The following CCNJL variants were observed in gnomAD, a reference collection of about 807,000 sequenced individuals.
CCNJL encodes the protein cyclin J like, also known as cyclin-J-like protein.
In CCNJL, 33 loss-of-function variants were observed where a neutral mutation model predicts 33.4. The ratio of observed to expected loss-of-function variants is 0.99; its 90% CI spans 0.75 to 1.32. The LOEUF (loss-of-function observed/expected upper bound fraction) is 1.32. Among genes scored for constraint, CCNJL ranks in the 40% most tolerant of loss-of-function variants. The probability of loss-of-function intolerance (pLI) is 0.00; values close to 1 mark genes in which losing one functional copy is unlikely to be tolerated. For synonymous variants in CCNJL, 227 were observed against 220.9 expected (o/e 1.03, Z -0.24); for missense variants, 512 against 499.7 (o/e 1.02, Z -0.23).
intron 3 of CCNJL, among the ~76,000 whole-genome samples, chr5:160,277,469 G>C (rs2113336990): frequency 6.6e-6 from 1 of 152,304 alleles, no homozygotes; most frequent in East Asian, 1.9e-4. Context: ...AAAGATTAAA[G>C]AAGAGGGAGG....
Position 160,249,137 on chromosome 5 carries a change from G to A in CCNJL, c.*4241C>T, listed in dbSNP as rs1474426070. On this transcript the variant is annotated 3_prime_UTR_variant, in exon 6 of 6. Coordinates refer to ENST00000257536, the MANE Select transcript of CCNJL (RefSeq NM_001308173.3). ...ATTTTTTGCCTAGTGTATTTCATGA[G>A]GAGGTCAGCTCATTTGCTCCCATTT... 2.0e-5 allele frequency: 3 copies of A among 152,192 alleles called. No individual in the cohort carries two copies. The highest frequency in any genetic ancestry group is 4.4e-5 in the Non-Finnish European group (3 of 68,026). The allele number at this position is 152,192 out of a possible 1,614,324, so 9.4% of individuals were successfully genotyped here.
intron 3 of CCNJL, among the ~76,000 whole-genome samples, chr5:160,267,038 G>A (rs1371813080): frequency 2.6e-5 from 4 of 152,212 alleles, no homozygotes; most frequent in African/African-American, 9.7e-5. Flanking sequence ...CAGTTGGGTT[G>A]CAAGAGGCAG....
In CCNJL at chr5:160,280,745, G is replaced by A. The variant is rs1276211979; in HGVS notation, c.67-7C>T. On this transcript the variant is annotated splice_region_variant and splice_polypyrimidine_tract_variant and intron_variant, in intron 2 of 5. Coordinates refer to ENST00000257536, the MANE Select transcript of CCNJL (RefSeq NM_001308173.3). ...AGGTGGGCAGCTTCAGTTCCTGGAGGACAGGCGGGGCGGAGGGGTGACGGT... is the reference window on the plus strand; with the variant it reads ...AGGTGGGCAGCTTCAGTTCCTGGAGAACAGGCGGGGCGGAGGGGTGACGGT... 2 of 1,581,902 alleles carry A rather than the reference G, an allele frequency of 1.3e-6. No individual in the cohort carries two copies. The highest frequency in any genetic ancestry group is 1.8e-5 in the Admixed American group (1 of 54,554).
chr5:160,295,265 C>T (rs1012439079), intron 2 of CCNJL, among the ~76,000 whole-genome samples: 16 of 152,164 alleles, frequency 1.1e-4, no homozygotes, highest in African/African-American at 3.6e-4. Context: ...CCAAGGAGGG[C>T]GGTTCACGAG....
chr5:160,282,696 T>A (rs1226048020), intron 2 of CCNJL, among the ~76,000 whole-genome samples: 1 of 151,596 alleles, frequency 6.6e-6, no homozygotes, highest in Non-Finnish European at 1.5e-5. Context: ...AACAAACACA[T>A]GAAAAGGTGC....
At chr5:160,277,758 T>TC (rs1762066776) in intron 3 of CCNJL, among the ~76,000 whole-genome samples, 1 of 151,468 alleles carries the variant, frequency 6.6e-6, no homozygotes, top group Non-Finnish European at 1.5e-5. Flanking sequence ...TTTTTTTTTT[T>TC]TTTTGAGATG....
chr5:160,289,050 G>A (rs984174736), intron 2 of CCNJL, among the ~76,000 whole-genome samples: 4 of 152,152 alleles, frequency 2.6e-5, no homozygotes, highest in Non-Finnish European at 5.9e-5. Context: ...CCGTAAGGTT[G>A]TGCCATGACG....
chr5:160,307,066 G>A (rs553308923), intron 2 of CCNJL, among the ~76,000 whole-genome samples: 4 of 152,230 alleles, frequency 2.6e-5, no homozygotes, highest in Non-Finnish European at 5.9e-5. Flanking sequence ...GGCAGATGCC[G>A]AAGACGAGAT....
chr5:160,269,595 C>T (rs1026080050), intron 3 of CCNJL: 1 of 416,712 alleles, frequency 2.4e-6, no homozygotes, highest in African/African-American at 2.1e-5. Flanking sequence ...TGGGTACCGC[C>T]CTTGTGGTTC....
At chr5:160,275,473 C>A (rs948888172) in intron 3 of CCNJL, among the ~76,000 whole-genome samples, 1 of 151,922 alleles carries the variant, frequency 6.6e-6, no homozygotes, top group African/African-American at 2.4e-5. Context: ...TACTTCTGTA[C>A]CTTTCAGGTT....
intron 2 of CCNJL, among the ~76,000 whole-genome samples, chr5:160,282,332 C>T (rs527577369): frequency 1.6e-4 from 24 of 148,812 alleles, no homozygotes; most frequent in African/African-American, 5.5e-4. Flanking sequence ...TAGACATAAA[C>T]GTTAAGACTT....
chr5:160,282,972 T>TATATATATATATATAC (rs1762267767), intron 2 of CCNJL, among the ~76,000 whole-genome samples: 2 of 44,220 alleles, frequency 4.5e-5, no homozygotes, highest in African/African-American at 3.5e-4. Flanking sequence ...TTGGAATATA[T>TATATATATATATATAC]ATATATATAT....
chr5:160,259,435 G>A, intron 4 of CCNJL, 34 bp downstream of exon 4: 4 of 1,580,436 alleles, frequency 2.5e-6, no homozygotes, highest in Non-Finnish European at 3.4e-6. Context: ...TGGGGAAGGG[G>A]TGGGAGGTCC....
At chr5:160,323,445 T>G (rs903605209) in intron 1 of CCNJL, among the ~76,000 whole-genome samples, 1 of 152,212 alleles carries the variant, frequency 6.6e-6, no homozygotes, top group Non-Finnish European at 1.5e-5. Flanking sequence ...GGCAATTCAT[T>G]TATTTAACCA....
chr5:160,328,592 TAA>T (rs56803041), intron 1 of CCNJL, among the ~76,000 whole-genome samples: 5 of 133,766 alleles, frequency 3.7e-5, no homozygotes, highest in African/African-American at 5.5e-5. Context: ...TACTGTCTCT[TAA>T]AAAAAAAAAA....
chr5:160,310,659 T>C (rs1030511337), intron 2 of CCNJL, among the ~76,000 whole-genome samples: 3 of 152,152 alleles, frequency 2.0e-5, no homozygotes, highest in African/African-American at 2.4e-5. Context: ...TACTTGGAAA[T>C]GGAGTCTTTT....
chr5:160,264,211 C>T (rs1761474786), intron 3 of CCNJL, among the ~76,000 whole-genome samples: 1 of 152,170 alleles, frequency 6.6e-6, no homozygotes, highest in East Asian at 1.9e-4. Context: ...AGGCATTAGC[C>T]ACTGTGCCTA....
At chr5:160,320,850 C>CTTCTTTCTTTCTTTCT (rs1189140816) in intron 1 of CCNJL, among the ~76,000 whole-genome samples, 696 of 55,516 alleles carry the variant, frequency 0.013, 36 homozygotes, top group African/African-American at 0.031. Context: ...TCTTTCTTTC[C>CTTCTTTCTTTCTTTCT]TTCTTTCTTT....
At chr5:160,335,928 C>T (rs950977060) in intron 1 of CCNJL, among the ~76,000 whole-genome samples, 4 of 152,114 alleles carry the variant, frequency 2.6e-5, no homozygotes, top group African/African-American at 4.8e-5. Context: ...GCATCACAGT[C>T]TCTTGATTCT....
Sources: allele counts gnomAD v4.1 joint callset (sites outside exome capture counted in the v4.1 genomes callset), GRCh38; gene constraint gnomAD v4.1.1; transcripts MANE v1.5; gene names NCBI Gene and HGNC (gene_info 2026-07-23, HGNC 2026-07-21).